Variants in HIP1 observed in about 807,000 individuals in gnomAD.
The protein encoded by HIP1 is huntingtin interacting protein 1, also known as huntingtin-interacting protein 1.
HIP1 carries 65 observed loss-of-function variants against 147.6 expected under a neutral mutation model. The ratio of observed to expected loss-of-function variants is 0.44; its 90% CI spans 0.36 to 0.54. The LOEUF (loss-of-function observed/expected upper bound fraction) is 0.54. HIP1 is among the 20% of genes least tolerant of loss of function. The probability of loss-of-function intolerance (pLI) is 0.00; values close to 1 mark genes in which losing one functional copy is unlikely to be tolerated. For missense variants in HIP1, 1,061 were observed against 1,299.6 expected (o/e 0.82, Z 2.82); for synonymous variants, 479 against 504.0 (o/e 0.95, Z 0.67).
Position 75,542,883 on chromosome 7 carries a change from G to T in HIP1, c.2858C>A (p.Thr953Asn). The change falls in exon 28 of 31, where the codon ACC becomes AAC. Residue 953 changes from threonine (T) to asparagine (N), a missense_variant. By Grantham distance (65) the Thr-to-Asn change is moderately conservative (BLOSUM62 0). Coordinates refer to ENST00000336926, the MANE Select transcript of HIP1 (RefSeq NM_005338.7). ...NQATAGVVAS[T>N]ISGKSQIEET... ...TTCGATCTGTGATTTGCCGGAAATG[G>T]TTGAGGCCACAACGCCGGCAGTGGC... is the stretch of plus-strand genomic sequence containing the variant. 3 of 1,614,114 alleles carry T rather than the reference G, an allele frequency of 1.9e-6. No individual in the cohort carries two copies. Among genetic ancestry groups the T allele is most frequent in the Non-Finnish European group, 2.5e-6 (3 of 1,180,010 alleles).
chr7:75,643,855 C>A (rs964642629), intron 1 of HIP1, among the ~76,000 whole-genome samples: 2 of 152,080 alleles, frequency 1.3e-5, no homozygotes, highest in Non-Finnish European at 2.9e-5. Context: ...CAAAAATTAG[C>A]TGGGCATGGT....
intron 7 of HIP1, among the ~76,000 whole-genome samples, chr7:75,578,711 C>T (rs1223345562): frequency 5.3e-5 from 8 of 152,032 alleles, no homozygotes; most frequent in Admixed American, 3.3e-4. Context: ...AAGCTAAATG[C>T]GAATGAATTC....
At chr7:75,712,381 C>A (rs1201395617) in intron 1 of HIP1, among the ~76,000 whole-genome samples, 5 of 152,116 alleles carry the variant, frequency 3.3e-5, no homozygotes, top group Non-Finnish European at 5.9e-5. Context: ...AGCTTTAAAA[C>A]TTGAGATGCC....
At chr7:75,666,694 C>T (rs1275059698) in intron 1 of HIP1, among the ~76,000 whole-genome samples, 1 of 152,112 alleles carries the variant, frequency 6.6e-6, no homozygotes, top group African/African-American at 2.4e-5. Context: ...AAGGCAAGGA[C>T]GCTGCTTGTC....
At chr7:75,738,622 A>ACCCTGGGGTC (rs1391136973) in intron 1 of HIP1, among the ~76,000 whole-genome samples, 179 bp downstream of exon 1, 5 of 151,940 alleles carry the variant, frequency 3.3e-5, no homozygotes, top group African/African-American at 1.2e-4. Flanking sequence ...CAGCTGGGGT[A>ACCCTGGGGTC]CCCTGGGGTC....
intron 1 of HIP1, among the ~76,000 whole-genome samples, chr7:75,664,543 T>C (rs1799496598): frequency 6.7e-6 from 1 of 149,724 alleles, no homozygotes; most frequent in Non-Finnish European, 1.5e-5. Context: ...TATATACACA[T>C]ACATATATAT....
At position 75,562,919 on chromosome 7, in the gene HIP1, C is replaced by A. The variant is rs587625421; in HGVS notation, c.1020+16G>T. 1 of 1,613,848 alleles carries A rather than the reference C, an allele frequency of 6.2e-7. No individual in the cohort carries two copies. The highest frequency in any genetic ancestry group is 2.2e-5 in the East Asian group (1 of 44,890). ...GTGAGAGGAAAGGCCAAGTTTCTCT[C>A]CCAAGTGGTCCTCACCTGCTGAGAG... is the stretch of plus-strand genomic sequence containing the variant. On this transcript the variant is annotated intron_variant, in intron 11 of 30. Transcript: ENST00000336926.
chr7:75,737,582 G>C lies in HIP1; in HGVS notation c.120+1219C>G, dbSNP rs150859442. Among the ~76,000 whole-genome samples, 1,040 of 152,236 alleles carry C rather than the reference G, an allele frequency of 6.8e-3. 4 individuals are homozygous for C. The highest frequency in any genetic ancestry group is 0.012 in the Non-Finnish European group (800 of 68,020). On this transcript the variant is annotated intron_variant, in intron 1 of 30. Coordinates refer to ENST00000336926, the MANE Select transcript of HIP1 (RefSeq NM_005338.7). ...GCTGGTCTCAAACTCCTGACGTCAGGTGATCCACCCGCCTCGGCCTCCCAA... is the reference window on the plus strand; with the variant it reads ...GCTGGTCTCAAACTCCTGACGTCAGCTGATCCACCCGCCTCGGCCTCCCAA...
intron 1 of HIP1, among the ~76,000 whole-genome samples, chr7:75,628,475 C>CT (rs71098044): frequency 0.017 from 2,234 of 132,542 alleles, 88 homozygotes; most frequent in African/African-American, 0.041. Flanking sequence ...TCCTGTACCT[C>CT]TTTTTTTTTT....
intron 1 of HIP1, among the ~76,000 whole-genome samples, chr7:75,601,827 T>C (rs1345517464): frequency 6.6e-6 from 1 of 152,020 alleles, no homozygotes; most frequent in African/African-American, 2.4e-5. Flanking sequence ...CCCTTGTCCA[T>C]AGGATATATG....
chr7:75,544,543 G>A (rs1554490551), intron 27 of HIP1, 152 bp downstream of exon 27: 2 of 665,612 alleles, frequency 3.0e-6, no homozygotes, highest in African/African-American at 3.5e-5. Context: ...ACCTAGCCAA[G>A]TACAGTCTAA....
chr7:75,719,464 G>C (rs970750056), intron 1 of HIP1, among the ~76,000 whole-genome samples: 1 of 150,138 alleles, frequency 6.7e-6, no homozygotes, highest in Non-Finnish European at 1.5e-5. Flanking sequence ...AGATCATGCC[G>C]CTGCACTCCA....
In HIP1 at chr7:75,610,508, C is replaced by A. The variant is rs190714900; in HGVS notation, c.121-11261G>T. ...AACAGTTGTGAGCCACCGCACCTGG[C>A]CTTTTTTTTCTCTTTTTTTGAATTC... is the stretch of plus-strand genomic sequence containing the variant. On this transcript the variant is annotated intron_variant, in intron 1 of 30. Transcript: ENST00000336926. 6.1e-4 allele frequency among the ~76,000 whole-genome samples: 93 copies of A among 152,116 alleles called. 2 individuals carry two copies. Among genetic ancestry groups the A allele is most frequent in the Admixed American group, 5.5e-3 (83 of 15,210 alleles).
intron 1 of HIP1, among the ~76,000 whole-genome samples, chr7:75,653,393 C>A (rs749967293): frequency 6.6e-6 from 1 of 152,140 alleles, no homozygotes; most frequent in South Asian, 2.1e-4. Flanking sequence ...TGGCTTATAC[C>A]TGTAATCCCA....
intron 14 of HIP1, among the ~76,000 whole-genome samples, chr7:75,558,886 G>T (rs587684848): frequency 6.6e-6 from 1 of 152,252 alleles, no homozygotes; most frequent in East Asian, 1.9e-4. Flanking sequence ...GGACATGGTG[G>T]TGTGTGCCTG....
At chr7:75,719,746 C>T (rs1429507438) in intron 1 of HIP1, among the ~76,000 whole-genome samples, 1 of 152,072 alleles carries the variant, frequency 6.6e-6, no homozygotes, top group East Asian at 1.9e-4. Flanking sequence ...TGGATCTCTA[C>T]TGAATGGATT....
chr7:75,689,027 A>G (rs1176873717), intron 1 of HIP1, among the ~76,000 whole-genome samples: 1 of 152,104 alleles, frequency 6.6e-6, no homozygotes, highest in African/African-American at 2.4e-5. Flanking sequence ...TGTACGCCCA[A>G]AGAGAGACAC....
intron 1 of HIP1, among the ~76,000 whole-genome samples, chr7:75,644,855 T>C (rs1383473768): frequency 6.6e-6 from 1 of 152,192 alleles, no homozygotes; most frequent in Non-Finnish European, 1.5e-5. Flanking sequence ...GCTGTGATCC[T>C]GGTGGCTCTG....
intron 1 of HIP1, among the ~76,000 whole-genome samples, chr7:75,600,892 C>A (rs782792707): frequency 1.3e-5 from 2 of 152,086 alleles, no homozygotes; most frequent in African/African-American, 2.4e-5. Flanking sequence ...TCCTGAGTAG[C>A]TGGGATTACT....
Sources: gnomAD v4.1 joint callset for allele counts (sites outside exome capture counted in the v4.1 genomes callset) on GRCh38, gnomAD v4.1.1 for gene constraint, MANE v1.5 for transcripts, NCBI Gene and HGNC (gene_info 2026-07-23, HGNC 2026-07-21) for gene names.